Variants in THSD4 observed in about 807,000 individuals in gnomAD.
The protein encoded by THSD4 is thrombospondin type 1 domain containing 4.
Under a neutral mutation model 119.0 loss-of-function variants are expected in THSD4, and 69 were observed. That is an observed-to-expected ratio of 0.58 (90% CI 0.48 to 0.71). The LOEUF is 0.71. Among genes scored for constraint, THSD4 ranks in the 30% least tolerant of loss-of-function variants. The pLI is 0.00. For missense variants in THSD4, 1,393 were observed against 1,391.1 expected, an observed-to-expected ratio of 1.00 and a Z score of -0.02; for synonymous variants, 524 against 540.4, an observed-to-expected ratio of 0.97 and a Z score of 0.42.
intron 6 of THSD4, among the ~76,000 whole-genome samples, chr15:71,396,017 C>T (rs1378453623): frequency 1.3e-5 from 2 of 151,778 alleles, no homozygotes; most frequent in East Asian, 1.9e-4. Context: ...AGTGGACCCA[C>T]GCATTCAAGT....
At chr15:71,509,049 T>G (rs1437733295) in intron 7 of THSD4, among the ~76,000 whole-genome samples, 1 of 151,986 alleles carries the variant, frequency 6.6e-6, no homozygotes, top group East Asian at 1.9e-4. Context: ...CATGTTATTA[T>G]TGGAAGCAGT....
chr15:71,427,933 G>T (rs1595757687), intron 7 of THSD4, among the ~76,000 whole-genome samples: 1 of 152,062 alleles, frequency 6.6e-6, no homozygotes, highest in Non-Finnish European at 1.5e-5. Flanking sequence ...CATCCAACCT[G>T]GTCCTCTTAC....
chr15:71,396,184 A>G (rs1363703803), intron 6 of THSD4, among the ~76,000 whole-genome samples: 1 of 152,124 alleles, frequency 6.6e-6, no homozygotes, highest in Non-Finnish European at 1.5e-5. Flanking sequence ...ACATACACAC[A>G]TATGCCCTAT....
chr15:71,241,955 G>A (rs2044157136), intron 4 of THSD4, among the ~76,000 whole-genome samples: 1 of 152,116 alleles, frequency 6.6e-6, no homozygotes, highest in African/African-American at 2.4e-5. Flanking sequence ...TGTATTTTAT[G>A]TGTGACCCAA....
At chr15:71,368,890 C>T (rs192443922) in intron 6 of THSD4, among the ~76,000 whole-genome samples, 5 of 152,268 alleles carry the variant, frequency 3.3e-5, no homozygotes, top group Admixed American at 6.5e-5. Flanking sequence ...TGGCCATTTT[C>T]ACAATATTGA....
chr15:71,427,743 A>G (rs977690333), intron 7 of THSD4, among the ~76,000 whole-genome samples: 1 of 151,668 alleles, frequency 6.6e-6, no homozygotes, highest in Non-Finnish European at 1.5e-5. Flanking sequence ...TTCTTTCTGA[A>G]CACATGCTGG....
chr15:71,402,387 G>A (rs1241282668), intron 6 of THSD4, among the ~76,000 whole-genome samples: 2 of 152,056 alleles, frequency 1.3e-5, no homozygotes, highest in Admixed American at 6.6e-5. Flanking sequence ...CTATGTACAT[G>A]CACTTCACAC....
intron 7 of THSD4, among the ~76,000 whole-genome samples, chr15:71,587,787 T>TAAAAAAAAAAAAAAAAAAAAAATAA (rs1207231444): frequency 9.5e-6 from 1 of 105,552 alleles, no homozygotes; most frequent in African/African-American, 3.6e-5. Flanking sequence ...AAAAAAAAAT[T>TAAAAAAAAAAAAAAAAAAAAAATAA]AAAAAAAAAA....
At chr15:71,246,483 A>G (rs2044202469) in intron 5 of THSD4, among the ~76,000 whole-genome samples, 1 of 152,164 alleles carries the variant, frequency 6.6e-6, no homozygotes, top group Non-Finnish European at 1.5e-5. Flanking sequence ...CCAACAATTC[A>G]GCTGTGATTT....
intron 4 of THSD4, 44 bp downstream of exon 4, chr15:71,215,443 A>G (rs765012174): frequency 1.4e-6 from 2 of 1,473,440 alleles, no homozygotes; most frequent in Non-Finnish European, 1.8e-6. Context: ...TCCCTGTCCC[A>G]GTATCTGCCC....
intron 7 of THSD4, among the ~76,000 whole-genome samples, chr15:71,575,453 T>G (rs1274075007): frequency 1.3e-5 from 2 of 152,208 alleles, no homozygotes; most frequent in African/African-American, 4.8e-5. Flanking sequence ...AAAATCCTGT[T>G]TGAATACAGT....
intron 3 of THSD4, among the ~76,000 whole-genome samples, chr15:71,198,727 A>C (rs1428340285): frequency 6.6e-6 from 1 of 151,952 alleles, no homozygotes; most frequent in African/African-American, 2.4e-5. Flanking sequence ...CAGCTGGCAT[A>C]TGTGGGCTCT....
At chr15:71,426,790 T>G (rs2140525319) in intron 7 of THSD4, among the ~76,000 whole-genome samples, 1 of 152,314 alleles carries the variant, frequency 6.6e-6, no homozygotes, top group South Asian at 2.1e-4. Context: ...TATGTTATAG[T>G]TATTTTGACA....
chr15:71,358,976 C>G (rs2045858290), intron 6 of THSD4, among the ~76,000 whole-genome samples: 1 of 152,226 alleles, frequency 6.6e-6, no homozygotes, highest in African/African-American at 2.4e-5. Context: ...CCCACCCTGT[C>G]AGCTATTTAG....
chr15:71,108,427 T>C (rs1017954593), intron 1 of THSD4, among the ~76,000 whole-genome samples: 2 of 152,182 alleles, frequency 1.3e-5, no homozygotes, highest in African/African-American at 2.4e-5. Context: ...TTAGATTAAA[T>C]ATGCTTTGAG....
At chr15:71,413,638 C>T (rs1258386819) in intron 7 of THSD4, among the ~76,000 whole-genome samples, 2 of 152,156 alleles carry the variant, frequency 1.3e-5, no homozygotes, top group African/African-American at 4.8e-5. Flanking sequence ...GGATTTTGTT[C>T]TCACATTTTG....
chr15:71,504,145 G>C (rs1465413282), intron 7 of THSD4, among the ~76,000 whole-genome samples: 1 of 152,158 alleles, frequency 6.6e-6, no homozygotes. Flanking sequence ...CTCTGAGACA[G>C]GCCCTTGTTT....
chr15:71,636,261 A>C lies in THSD4; in HGVS notation c.1153-24269A>C, dbSNP rs553947078. ...ACATGGTGAAACCCCATCTCTACTAAAAATACAAAAAATTAGCTGGGCATG... is the reference window on the plus strand; with the variant it reads ...ACATGGTGAAACCCCATCTCTACTACAAATACAAAAAATTAGCTGGGCATG... On this transcript the variant is annotated intron_variant, in intron 7 of 17. Transcript: ENST00000261862. Among the ~76,000 whole-genome samples, 28 of 152,182 alleles carry C rather than the reference A, an allele frequency of 1.8e-4. No homozygotes were observed. The South Asian group carries it at 5.2e-3, about 28-fold the overall frequency.
At chr15:71,698,308 A>C (rs1158248331) in intron 8 of THSD4, among the ~76,000 whole-genome samples, 2 of 152,200 alleles carry the variant, frequency 1.3e-5, no homozygotes, top group African/African-American at 4.8e-5. Flanking sequence ...ACTCTATTAG[A>C]GTGGCCGTTA....
Sources: allele counts gnomAD v4.1 joint callset (sites outside exome capture counted in the v4.1 genomes callset), GRCh38; gene constraint gnomAD v4.1.1; transcripts MANE v1.5; gene names NCBI Gene and HGNC (gene_info 2026-07-23, HGNC 2026-07-21).